The following CTTNBP2 variants were observed in gnomAD, a reference collection of about 807,000 sequenced individuals.
The protein encoded by CTTNBP2 is cortactin-binding protein 2.
Under a neutral mutation model 156.9 loss-of-function variants are expected in CTTNBP2, and 108 were observed. That is an observed-to-expected ratio of 0.69 (90% CI 0.59 to 0.81). The LOEUF (loss-of-function observed/expected upper bound fraction) is 0.81. CTTNBP2 is among the 30% of genes least tolerant of loss of function. The pLI is 0.00. For synonymous variants in CTTNBP2, 767 were observed against 751.8 expected (o/e 1.02, Z -0.33); for missense variants, 1,924 against 2,035.4 (o/e 0.95, Z 1.05).
intron 2 of CTTNBP2, among the ~76,000 whole-genome samples, chr7:117,853,254 G>C (rs1803044912): frequency 6.6e-6 from 1 of 152,128 alleles, no homozygotes; most frequent in Non-Finnish European, 1.5e-5. Flanking sequence ...AACTGTTTTA[G>C]TTTAAAATGA....
rs879236827 is a variant in CTTNBP2, at chr7:117,784,544, CAT to C, written c.2069-92_2069-91del. The C allele has an allele frequency of 4.2e-5, 35 of 842,492 alleles. 1 individual carries two copies. In the South Asian group the frequency reaches 6.0e-4, roughly 15 times the overall value. 52.2% of individuals were successfully genotyped at this position (842,492 alleles called of 1,614,324 possible). ...CCTTTCTGAATTACACACACACAAA[CAT>C]ATGAACATGTGTCCCTAGAGGATTA... On this transcript the variant is annotated intron_variant, in intron 4 of 22. Coordinates refer to ENST00000160373, the MANE Select transcript of CTTNBP2 (RefSeq NM_033427.3).
chr7:117,723,047 T>G, intron 19 of CTTNBP2, among the ~76,000 whole-genome samples: 1 of 152,194 alleles, frequency 6.6e-6, no homozygotes, highest in East Asian at 1.9e-4. Context: ...GGGTCTATAC[T>G]AAATTGGTGG....
intron 2 of CTTNBP2, among the ~76,000 whole-genome samples, chr7:117,820,710 A>T (rs549475153): frequency 6.0e-4 from 91 of 152,280 alleles, no homozygotes; most frequent in African/African-American, 2.2e-3. Flanking sequence ...TGGATTCTTT[A>T]TTCTATTCCA....
chr7:117,783,900 C>G (rs368524667), intron 5 of CTTNBP2, among the ~76,000 whole-genome samples: 2 of 152,284 alleles, frequency 1.3e-5, no homozygotes, highest in African/African-American at 4.8e-5. Context: ...CATGACCTTA[C>G]CTAACTGCTA....
intron 19 of CTTNBP2, among the ~76,000 whole-genome samples, chr7:117,723,503 A>C (rs1246486972): frequency 6.6e-6 from 1 of 152,168 alleles, no homozygotes; most frequent in Non-Finnish European, 1.5e-5. Context: ...TGAAGTCCAC[A>C]GTGCACATGA....
chr7:117,871,792 ACC>A (rs897308959), intron 1 of CTTNBP2: 1 of 252,404 alleles, frequency 4.0e-6, no homozygotes, highest in African/African-American at 5.4e-5. Flanking sequence ...CAAGAAACAC[ACC>A]ACACACACAC....
At chr7:117,734,745 A>G (rs553246587) in intron 16 of CTTNBP2, among the ~76,000 whole-genome samples, 168 bp downstream of exon 16, 33 of 152,354 alleles carry the variant, frequency 2.2e-4, no homozygotes, top group African/African-American at 7.5e-4. Context: ...AATGTAGTGC[A>G]GAAATTGTTA....
At chr7:117,725,289 G>T in intron 17 of CTTNBP2, 32 bp from the exon 18 acceptor site, 1 of 1,584,492 alleles carries the variant, frequency 6.3e-7, no homozygotes, top group Non-Finnish European at 8.7e-7. Context: ...CATCCCTTAG[G>T]AGCAGGCTTC....
chr7:117,763,268 T>C (rs1797301902), intron 9 of CTTNBP2, among the ~76,000 whole-genome samples: 1 of 152,330 alleles, frequency 6.6e-6, no homozygotes, highest in Admixed American at 6.5e-5. Flanking sequence ...TAAGCATATG[T>C]TCAATGAATT....
chr7:117,757,950 C>A lies in CTTNBP2; in HGVS notation c.3193G>T (p.Gly1065Cys), dbSNP rs1319588945. ...CACGGGGACTGCGCGAAGCTCTGAC[C>A]CACTGACCACGGCACATTTCCTAGT... The part of the protein sequence containing the change: ...ITLGNVPWSV[G>C]QSFAQSPWDF... Residue 1065 changes from glycine to cysteine, a missense_variant, in exon 11 of 23, where the codon GGT (glycine) becomes TGT (cysteine). Gly to Cys is a radical substitution (Grantham distance 159, BLOSUM62 -3). Coordinates refer to ENST00000160373, the MANE Select transcript of CTTNBP2 (RefSeq NM_033427.3). The A allele has an allele frequency of 6.2e-7, 1 of 1,613,250 alleles. No homozygotes were observed. Among genetic ancestry groups the A allele is most frequent in the Admixed American group, 1.7e-5 (1 of 59,910 alleles).
intron 8 of CTTNBP2, among the ~76,000 whole-genome samples, chr7:117,773,417 A>C (rs1180972233): frequency 6.6e-6 from 1 of 152,104 alleles, no homozygotes; most frequent in South Asian, 2.1e-4. Flanking sequence ...AAATGATCTA[A>C]AGTGGGTAAC....
intron 3 of CTTNBP2, among the ~76,000 whole-genome samples, chr7:117,802,906 GAA>G (rs1016516923): frequency 6.6e-5 from 10 of 152,198 alleles, no homozygotes; most frequent in Admixed American, 1.3e-4. Flanking sequence ...AGGCTGTGGA[GAA>G]AAGAGGACAC....
intron 22 of CTTNBP2, among the ~76,000 whole-genome samples, chr7:117,713,281 A>AAG: frequency 6.6e-6 from 1 of 152,210 alleles, no homozygotes. Context: ...TTCCCTTCAG[A>AAG]GTATTTCAAG....
At chr7:117,758,790 G>A (rs1222979576) in intron 10 of CTTNBP2, among the ~76,000 whole-genome samples, 1 of 152,172 alleles carries the variant, frequency 6.6e-6, no homozygotes, top group East Asian at 1.9e-4. Flanking sequence ...AAAACTCAAC[G>A]ATTTTTCGAT....
At chr7:117,784,529 T>C (rs1271691807) in intron 4 of CTTNBP2, 75 bp from the exon 5 acceptor site, 4 of 1,028,900 alleles carry the variant, frequency 3.9e-6, no homozygotes, top group East Asian at 2.5e-5. Context: ...CCTTTCTGAA[T>C]TACACACACA....
In CTTNBP2 at chr7:117,777,899, A is replaced by G. The variant is rs1039700183; in HGVS notation, c.2524-134T>C. On this transcript the variant is annotated intron_variant, in intron 7 of 22. Transcript: ENST00000160373. ...GGAAAAGCAGGCATTCCAATCCTGAACATTATCACTGATGAGCTGGGTAAA... is the reference window on the plus strand; with the variant it reads ...GGAAAAGCAGGCATTCCAATCCTGAGCATTATCACTGATGAGCTGGGTAAA... 5.1e-6 allele frequency: 4 copies of G among 790,348 alleles called. No individual in the cohort carries two copies. In the African/African-American group the frequency reaches 6.9e-5, roughly 14 times the overall value. The allele number at this position is 790,348 out of a possible 1,614,324, so 49.0% of individuals were successfully genotyped here.
chr7:117,816,251 G>A (rs75471260), intron 2 of CTTNBP2, among the ~76,000 whole-genome samples: 4,906 of 152,296 alleles, frequency 0.032, 106 homozygotes, highest in Admixed American at 0.048. Context: ...CTAAAGCCAG[G>A]TGAGAGCAGT....
intron 2 of CTTNBP2, among the ~76,000 whole-genome samples, chr7:117,837,590 C>A (rs1050795334): frequency 1.3e-5 from 2 of 152,122 alleles, no homozygotes; most frequent in African/African-American, 4.8e-5. Context: ...AGTAAGATAT[C>A]TTAGGGATGA....
At chr7:117,844,174 G>T (rs143213352) in intron 2 of CTTNBP2, among the ~76,000 whole-genome samples, 2 of 152,144 alleles carry the variant, frequency 1.3e-5, no homozygotes, top group African/African-American at 2.4e-5. Flanking sequence ...GGCTCTAGAA[G>T]CTAGAAAAGA....
Sources: gnomAD v4.1 joint callset for allele counts (sites outside exome capture counted in the v4.1 genomes callset) on GRCh38, gnomAD v4.1.1 for gene constraint, MANE v1.5 for transcripts, NCBI Gene and HGNC (gene_info 2026-07-23, HGNC 2026-07-21) for gene names.